The following VWA2 variants were observed in gnomAD, a reference collection of about 807,000 sequenced individuals.
The protein encoded by VWA2 is von Willebrand factor A domain containing 2.
A neutral mutation model predicts 70.4 loss-of-function variants in VWA2; 73 were observed. The observed-to-expected ratio is 1.04, with a 90% CI of 0.86 to 1.26. The LOEUF is 1.26. Ranked by LOEUF, VWA2 falls within the 50% of genes most tolerant of loss-of-function variation. The probability of loss-of-function intolerance (pLI) is 0.00; values close to 1 mark genes in which losing one functional copy is unlikely to be tolerated. For missense variants in VWA2, 1,011 were observed against 998.5 expected, an observed-to-expected ratio of 1.01 and a Z score of -0.17; for synonymous variants, 407 against 423.3, an observed-to-expected ratio of 0.96 and a Z score of 0.47.
rs1189679639 is a variant in VWA2, at chr10:114,291,193, C to T, written c.2249-25C>T. ...GAGAAGGGGATGCAGACACTCCTGT[C>T]CTCAGACTTCACTTCCTTCCCCAGG... is the stretch of plus-strand genomic sequence containing the variant. On this transcript the variant is annotated intron_variant, in intron 13 of 13. Coordinates refer to ENST00000392982, the MANE Select transcript of VWA2 (RefSeq NM_001272046.2). 3.2e-6 allele frequency: 5 copies of T among 1,550,278 alleles called. No homozygotes were observed. The Admixed American group carries it at 9.8e-5, about 30-fold the overall frequency.
intron 1 of VWA2, among the ~76,000 whole-genome samples, chr10:114,247,859 C>T (rs1221163919): frequency 6.6e-6 from 1 of 152,084 alleles, no homozygotes; most frequent in Non-Finnish European, 1.5e-5. Flanking sequence ...ATGAGGGCCC[C>T]TGGGTTCATG....
At chr10:114,277,198 T>TTTTTTTTTG in intron 6 of VWA2, among the ~76,000 whole-genome samples, 1 of 143,576 alleles carries the variant, frequency 7.0e-6, no homozygotes, top group East Asian at 2.0e-4. Flanking sequence ...TTTTTTTTTT[T>TTTTTTTTTG]CTGGAGACAG....
intron 6 of VWA2, 53 bp downstream of exon 6, chr10:114,272,987 G>A (rs934490053): frequency 6.0e-6 from 9 of 1,509,452 alleles, no homozygotes; most frequent in South Asian, 1.3e-5. Flanking sequence ...CCTGGGGATC[G>A]TGACATGGCC....
intron 6 of VWA2, among the ~76,000 whole-genome samples, chr10:114,277,076 T>C (rs961668201): frequency 7.3e-5 from 11 of 150,974 alleles, no homozygotes; most frequent in Non-Finnish European, 8.8e-5. Flanking sequence ...ATTTTAGAAA[T>C]GAATGGGATT....
At chr10:114,251,422 C>G (rs1002493295) in intron 2 of VWA2, among the ~76,000 whole-genome samples, 1 of 152,244 alleles carries the variant, frequency 6.6e-6, no homozygotes, top group Admixed American at 6.5e-5. Context: ...TGAGTGACAT[C>G]TTTAGTGAGT....
intron 5 of VWA2, among the ~76,000 whole-genome samples, chr10:114,264,404 CT>C (rs2037515104): frequency 6.6e-6 from 1 of 151,084 alleles, no homozygotes; most frequent in African/African-American, 2.5e-5. Context: ...AGGTCATATA[CT>C]ATATGATTCC....
rs764009050 is a variant in VWA2, at chr10:114,282,609, G to A, written c.889+38G>A. On this transcript the variant is annotated intron_variant, in intron 9 of 13. Coordinates refer to ENST00000392982, the MANE Select transcript of VWA2 (RefSeq NM_001272046.2). ...TCTTGGATTTACAGGTTCTTTCAGG[G>A]CCCTGGGCCCAGGCTGCTTTGTAAA... 6.3e-6 allele frequency: 10 copies of A among 1,586,786 alleles called. No homozygotes were observed. The East Asian group carries it at 2.0e-4, about 32-fold the overall frequency.
intron 1 of VWA2, among the ~76,000 whole-genome samples, chr10:114,244,630 C>CT (rs1436342526): frequency 8.7e-6 from 1 of 115,516 alleles, no homozygotes; most frequent in Non-Finnish European, 1.8e-5. Flanking sequence ...GGAATTCACC[C>CT]TTTAAAAAAA....
At chr10:114,266,267 A>G (rs528288298) in intron 5 of VWA2, among the ~76,000 whole-genome samples, 14 of 152,280 alleles carry the variant, frequency 9.2e-5, no homozygotes, top group Non-Finnish European at 1.5e-4. Context: ...ACTGCACTCC[A>G]GCCTGGGTGA....
intron 4 of VWA2, among the ~76,000 whole-genome samples, chr10:114,259,611 T>G (rs1469975502): frequency 6.6e-6 from 1 of 152,190 alleles, no homozygotes; most frequent in Non-Finnish European, 1.5e-5. Context: ...CATATTTAGA[T>G]TTTTCACACT....
chr10:114,253,849 CAG>C lies in VWA2; in HGVS notation c.127+127_127+128del, dbSNP rs2037261292. 1.8e-5 allele frequency: 17 copies of C among 936,364 alleles called. No individual in the cohort carries two copies. The East Asian group carries it at 4.2e-4, about 23-fold the overall frequency. 58.0% of individuals were successfully genotyped at this position (936,364 alleles called of 1,614,324 possible). A position where few individuals can be genotyped will look rare whatever the true frequency, so the allele number is the denominator to read the frequency against. On this transcript the variant is annotated intron_variant, in intron 3 of 13. Transcript: ENST00000392982. Reference sequence around the variant, plus strand: ...TCCCATCTTCCTTTCATGCTCTGGCCAGAGTCATTTTCCCCAAACAGGGACCT... The same window carrying C: ...TCCCATCTTCCTTTCATGCTCTGGCCAGTCATTTTCCCCAAACAGGGACCT...
intron 1 of VWA2, among the ~76,000 whole-genome samples, chr10:114,244,082 C>T (rs1373811051): frequency 6.6e-6 from 1 of 152,208 alleles, no homozygotes; most frequent in Non-Finnish European, 1.5e-5. Context: ...TGGTCTGTTC[C>T]AGCCCCTGGC....
In VWA2 at chr10:114,289,066, G is replaced by A. The variant is rs768137633; in HGVS notation, c.1699G>A (p.Val567Met). 6.8e-6 allele frequency: 11 copies of A among 1,614,074 alleles called. No homozygotes were observed. Among genetic ancestry groups the A allele is most frequent in the South Asian group, 5.5e-5 (5 of 91,092 alleles). The change falls in exon 12 of 14, where the codon GTG (valine) becomes ATG (methionine). Residue 567 changes from valine (V) to methionine (M), a missense_variant. Val to Met is a conservative substitution (Grantham distance 21). Coordinates refer to ENST00000392982, the MANE Select transcript of VWA2 (RefSeq NM_001272046.2). ...CCTCCAGTTTGAGGTGAACCCTGAC[G>A]TGACACAGGTCGGCCTGGTGGTGTA... ...CALQFEVNPD[V>M]TQVGLVVYGS...
chr10:114,289,535 C>A (rs2039339214), intron 12 of VWA2, 46 bp downstream of exon 12: 2 of 1,603,466 alleles, frequency 1.2e-6, no homozygotes, highest in Non-Finnish European at 1.7e-6. Flanking sequence ...CATGGCAGGC[C>A]CTCAGCCTGA....
In VWA2 at chr10:114,261,181, T is replaced by G. The variant is rs1269492958; in HGVS notation, c.262-5T>G. On this transcript the variant is annotated splice_region_variant and splice_polypyrimidine_tract_variant and intron_variant, in intron 4 of 13. Coordinates refer to ENST00000392982, the MANE Select transcript of VWA2 (RefSeq NM_001272046.2). ...GGGCCCTGAGCCCCCTGTCTCCTAC[T>G]GCAGGTCAGAGTGGGAGCATTCCAG... 2 of 1,609,690 alleles carry G rather than the reference T, an allele frequency of 1.2e-6. No homozygotes were observed. The highest frequency in any genetic ancestry group is 1.7e-6 in the Non-Finnish European group (2 of 1,176,154).
At chr10:114,240,295 G>T (rs1438621730) in intron 1 of VWA2, among the ~76,000 whole-genome samples, 2 of 152,128 alleles carry the variant, frequency 1.3e-5, no homozygotes, top group African/African-American at 2.4e-5. Flanking sequence ...TTTCCCTCCC[G>T]CCTTGGGCCC....
intron 13 of VWA2, among the ~76,000 whole-genome samples, chr10:114,290,816 T>C (rs1478957136): frequency 6.6e-6 from 1 of 151,902 alleles, no homozygotes; most frequent in Non-Finnish European, 1.5e-5. Flanking sequence ...CTCAGTAAAA[T>C]GGGAGGAACA....
In VWA2 at chr10:114,291,815, C is replaced by T. The variant is rs939480730; in HGVS notation, c.*578C>T. On this transcript the variant is annotated 3_prime_UTR_variant, in exon 14 of 14. Transcript: ENST00000392982. ...GACGTTTGTGACTTCTGGCGACTGCCTTTTGTGTGTGGAAGAGACTTGGAA... is the reference window on the plus strand; with the variant it reads ...GACGTTTGTGACTTCTGGCGACTGCTTTTTGTGTGTGGAAGAGACTTGGAA... Among the ~76,000 whole-genome samples, 1 of 152,176 alleles carries T rather than the reference C, an allele frequency of 6.6e-6. No homozygotes were observed. Among genetic ancestry groups the T allele is most frequent in the African/African-American group, 2.4e-5 (1 of 41,430 alleles).
At chr10:114,264,864 C>G (rs374009360) in intron 5 of VWA2, among the ~76,000 whole-genome samples, 1 of 152,086 alleles carries the variant, frequency 6.6e-6, no homozygotes, top group Non-Finnish European at 1.5e-5. Context: ...GGACTATAGG[C>G]GCTCGTCACC....
Sources: allele counts gnomAD v4.1 joint callset (sites outside exome capture counted in the v4.1 genomes callset), GRCh38; gene constraint gnomAD v4.1.1; transcripts MANE v1.5; gene names NCBI Gene and HGNC (gene_info 2026-07-23, HGNC 2026-07-21).